Variants in CD34 observed in about 807,000 individuals in gnomAD.
CD34 encodes the protein CD34 molecule, also known as hematopoietic progenitor cell antigen CD34.
In CD34, 34 loss-of-function variants were observed where a neutral mutation model predicts 40.1. The observed-to-expected ratio is 0.85, with a 90% CI of 0.65 to 1.13. CD34 has a LOEUF of 1.13. Ranked by LOEUF, CD34 falls within the 50% of genes most tolerant of loss-of-function variation. CD34 has a pLI of 0.00. For synonymous variants in CD34, 209 were observed against 190.0 expected (o/e 1.10, Z -0.82); for missense variants, 426 against 466.9 (o/e 0.91, Z 0.81).
Position 207,911,123 on chromosome 1 carries a change from A to G in CD34, c.-43T>C, listed in dbSNP as rs1228973855. On this transcript the variant is annotated 5_prime_UTR_variant, in exon 1 of 8. Transcript: ENST00000310833. ...TAGAGAGACGCACCGAGTGGAAGAC[A>G]CTACTCGGCTTGGCCAGGACGCGCT... The G allele has an allele frequency of 5.3e-6, 8 of 1,517,606 alleles. No individual in the cohort carries two copies. Among genetic ancestry groups the G allele is most frequent in the Non-Finnish European group, 7.1e-6 (8 of 1,129,326 alleles). 94.0% of individuals were successfully genotyped at this position (1,517,606 alleles called of 1,614,324 possible).
chr1:207,905,675 C>T (rs1306494368), intron 1 of CD34, among the ~76,000 whole-genome samples: 1 of 152,160 alleles, frequency 6.6e-6, no homozygotes, highest in African/African-American at 2.4e-5. Context: ...TAAAATACTC[C>T]AAAATACGAA....
rs1661815980 is a variant in CD34 at position 207,881,771 on chromosome 1, G to C, written c.*5967C>G. ...CTTTTTCCTAATTGTTTTTGTTTTG[G>C]AAAATATAATTATTTTTCATTAAGA... On this transcript the variant is annotated 3_prime_UTR_variant, in exon 8 of 8. Coordinates refer to ENST00000310833, the MANE Select transcript of CD34 (RefSeq NM_001025109.2). The C allele has an allele frequency of 6.6e-6, 1 of 151,400 alleles. No homozygotes were observed. Among genetic ancestry groups the C allele is most frequent in the African/African-American group, 2.4e-5 (1 of 41,196 alleles). The allele number at this position is 151,400 out of a possible 1,614,324, so 9.4% of individuals were successfully genotyped here. A position where few individuals can be genotyped will look rare whatever the true frequency, so the allele number is the denominator to read the frequency against.
chr1:207,899,111 G>C lies in CD34; in HGVS notation c.378C>G (p.Asn126Lys). Residue 126 changes from asparagine (N) to lysine (K), a missense_variant, in exon 3 of 8, where the codon AAC (asparagine) becomes AAG (lysine). Asn to Lys is a moderately conservative substitution (Grantham distance 94). Transcript: ENST00000310833. ...TCAAGGTTGTCTCTGGAGTTGAAAC[G>C]TTGGCTGGGGTGGTGAACACTGTGC... Reference protein sequence around the residue: ...VISTVFTTPANVSTPETTLKP... With the variant: ...VISTVFTTPAKVSTPETTLKP... 6.2e-7 allele frequency: 1 copy of C among 1,614,220 alleles called. No homozygotes were observed. Among genetic ancestry groups the C allele is most frequent in the Non-Finnish European group, 8.5e-7 (1 of 1,180,030 alleles).
At chr1:207,903,771 T>C (rs1571777933) in intron 1 of CD34, among the ~76,000 whole-genome samples, 1 of 152,250 alleles carries the variant, frequency 6.6e-6, no homozygotes, top group East Asian at 1.9e-4. Flanking sequence ...AGGAAGAGCC[T>C]ATTAGAAGCA....
At chr1:207,889,061 T>C (rs1199006750) in intron 6 of CD34, 100 bp downstream of exon 6, 9 of 912,242 alleles carry the variant, frequency 9.9e-6, no homozygotes, top group Middle Eastern at 2.2e-4. Context: ...CAGAGAAGGA[T>C]GGTAGGTAGA....
chr1:207,895,229 C>A (rs894375684), intron 4 of CD34, among the ~76,000 whole-genome samples: 5 of 152,180 alleles, frequency 3.3e-5, no homozygotes, highest in African/African-American at 1.2e-4. Context: ...AAGGAAAGGT[C>A]ATCTTGGACA....
intron 4 of CD34, among the ~76,000 whole-genome samples, chr1:207,890,987 T>C (rs1662020213): frequency 6.6e-6 from 1 of 152,138 alleles, no homozygotes; most frequent in Non-Finnish European, 1.5e-5. Context: ...TAAACCCAGT[T>C]GTCTCAGGGG....
chr1:207,888,719 A>G lies in CD34; in HGVS notation c.935T>C (p.Met312Thr). Residue 312 changes from methionine to threonine, a missense_variant, in exon 7 of 8, where the codon ATG becomes ACG. Met to Thr is a moderately conservative substitution (Grantham distance 81). Transcript: ENST00000310833. ...AVLGITGYFL[M>T]NRRSWSPTGE... ...TGTGGGGCTCCAGCTGCGGCGATTC[A>G]TCAGGAAATAGCCAGTGATGCCCAA... 1 of 1,614,192 alleles carries G rather than the reference A, an allele frequency of 6.2e-7. No individual in the cohort carries two copies. The highest frequency in any genetic ancestry group is 8.5e-7 in the Non-Finnish European group (1 of 1,180,030).
At chr1:207,893,977 T>A (rs1397259237) in intron 4 of CD34, among the ~76,000 whole-genome samples, 2 of 152,228 alleles carry the variant, frequency 1.3e-5, no homozygotes, top group South Asian at 4.1e-4. Flanking sequence ...CTGGTGGGAA[T>A]GTAAAACGGT....
chr1:207,893,607 C>T (rs1001600812), intron 4 of CD34, among the ~76,000 whole-genome samples: 5 of 152,124 alleles, frequency 3.3e-5, no homozygotes, highest in East Asian at 3.8e-4. Context: ...TTATGTTTTC[C>T]GCATGGAAAC....
chr1:207,889,507 C>A lies in CD34; in HGVS notation c.712G>T (p.Val238Leu). The change falls in exon 5 of 8, where the codon GTG becomes TTG. Residue 238 changes from valine (V) to leucine (L), a missense_variant. Coordinates refer to ENST00000310833, the MANE Select transcript of CD34 (RefSeq NM_001025109.2). ...ACCAGCAGTAGACACTGAGGCCTCA[C>A]CTCAGACTGGGCAAGGAGCAGGGAG... Reference protein sequence around the residue: ...VCSLLLAQSEVRPQCLLLVLA... With the variant: ...VCSLLLAQSELRPQCLLLVLA... 6.2e-7 allele frequency: 1 copy of A among 1,614,136 alleles called. No homozygotes were observed. The highest frequency in any genetic ancestry group is 8.5e-7 in the Non-Finnish European group (1 of 1,179,990).
chr1:207,900,786 A>G (rs911646607), intron 1 of CD34, among the ~76,000 whole-genome samples: 2 of 152,222 alleles, frequency 1.3e-5, no homozygotes, highest in Non-Finnish European at 2.9e-5. Context: ...ATAACTAACC[A>G]TGTAATTTAA....
At chr1:207,903,992 CG>C (rs11299463) in intron 1 of CD34, among the ~76,000 whole-genome samples, 22,696 of 151,944 alleles carry the variant, frequency 0.15, 2,905 homozygotes, top group African/African-American at 0.35. Context: ...AAGTCCTTTT[CG>C]GGGGGGTATT....
intron 7 of CD34, chr1:207,888,256 C>T (rs1661951652): frequency 1.2e-6 from 1 of 854,472 alleles, no homozygotes; most frequent in Non-Finnish European, 2.0e-6. Context: ...GGCCAAGATT[C>T]AGACCTCAGC....
chr1:207,892,675 A>G (rs1293195408), intron 4 of CD34, among the ~76,000 whole-genome samples: 3 of 151,948 alleles, frequency 2.0e-5, no homozygotes, highest in East Asian at 1.9e-4. Context: ...TAATAGTAAT[A>G]CCTTATATAC....
chr1:207,902,922 G>A (rs1264539411), intron 1 of CD34, among the ~76,000 whole-genome samples: 1 of 152,172 alleles, frequency 6.6e-6, no homozygotes, highest in Non-Finnish European at 1.5e-5. Flanking sequence ...GCTGTGGAAT[G>A]AGTAGCAGGA....
At chr1:207,894,392 G>A (rs1368698199) in intron 4 of CD34, among the ~76,000 whole-genome samples, 2 of 152,190 alleles carry the variant, frequency 1.3e-5, no homozygotes, top group Non-Finnish European at 2.9e-5. Flanking sequence ...GCCAGGGTCT[G>A]GGGAGAGCAG....
At chr1:207,891,693 C>T (rs1165498542) in intron 4 of CD34, among the ~76,000 whole-genome samples, 1 of 151,290 alleles carries the variant, frequency 6.6e-6, no homozygotes, top group Non-Finnish European at 1.5e-5. Context: ...TAACAGATGC[C>T]TATGATATCC....
chr1:207,905,347 G>A (rs1414914497), intron 1 of CD34, among the ~76,000 whole-genome samples: 1 of 152,212 alleles, frequency 6.6e-6, no homozygotes, highest in East Asian at 1.9e-4. Flanking sequence ...TATTGGCCAA[G>A]CTGGTCTCAA....
Sources: gnomAD v4.1 joint callset for allele counts (sites outside exome capture counted in the v4.1 genomes callset) on GRCh38, gnomAD v4.1.1 for gene constraint, MANE v1.5 for transcripts, NCBI Gene and HGNC (gene_info 2026-07-23, HGNC 2026-07-21) for gene names.